LYVE1: variants seen among roughly 807,000 people sequenced by gnomAD.
The protein encoded by LYVE1 is lymphatic vessel endothelial hyaluronic acid receptor 1.
A neutral mutation model predicts 31.5 loss-of-function variants in LYVE1; 29 were observed. That is an observed-to-expected ratio of 0.92 (90% CI 0.69 to 1.26). The LOEUF (loss-of-function observed/expected upper bound fraction) is 1.26, where lower values mean the gene tolerates loss of function less well. Ranked by LOEUF, LYVE1 falls within the 50% of genes most tolerant of loss-of-function variation. The pLI, the probability that LYVE1 is intolerant of heterozygous loss-of-function variation, is 0.00. For synonymous variants in LYVE1, 134 were observed against 139.4 expected (o/e 0.96, Z 0.27); for missense variants, 376 against 380.2 (o/e 0.99, Z 0.09).
At chr11:10,567,854 T>A (rs547997760) in intron 1 of LYVE1, among the ~76,000 whole-genome samples, 4 of 152,356 alleles carry the variant, frequency 2.6e-5, no homozygotes, top group Admixed American at 6.5e-5. Flanking sequence ...ATTCATGGTA[T>A]GATAAAATCA....
chr11:10,562,946 C>CTGTTTTTT (rs1850458515), intron 3 of LYVE1, among the ~76,000 whole-genome samples: 1 of 79,456 alleles, frequency 1.3e-5, no homozygotes, highest in Non-Finnish European at 2.3e-5. Context: ...AACTCGGTTT[C>CTGTTTTTT]TTTTTTTTTT....
intron 3 of LYVE1, 108 bp downstream of exon 3, chr11:10,563,832 G>T: frequency 7.2e-7 from 1 of 1,380,010 alleles, no homozygotes; most frequent in Non-Finnish European, 1.0e-6. Context: ...TTAGATGGCC[G>T]TGGCTGTGAT....
Position 10,564,253 on chromosome 11 carries a change from G to A in LYVE1, c.207C>T (p.Ala69=), listed in dbSNP as rs145817285. ...AGGCTGTTTCAACTTGGTCCTTGCC[G>A]GCCAAACTTAGTCCCAGCAGCCTAC... ...EACRLLGLSL[A]GKDQVETALK... is the part of the protein sequence containing the mutation. The change falls in exon 2 of 6, where the codon GCC becomes GCT. Residue 69 remains alanine, a synonymous_variant. Coordinates refer to ENST00000256178, the MANE Select transcript of LYVE1 (RefSeq NM_006691.4). 4.6e-5 allele frequency: 75 copies of A among 1,614,012 alleles called. No homozygotes were observed. In the East Asian group the frequency reaches 4.9e-4, roughly 11 times the overall value.
At chr11:10,567,664 C>T (rs554370131) in intron 1 of LYVE1, among the ~76,000 whole-genome samples, 25 of 152,282 alleles carry the variant, frequency 1.6e-4, no homozygotes, top group African/African-American at 5.8e-4. Context: ...TTTGTGGTTA[C>T]AATTTTTTTG....
rs745985592 is a variant in LYVE1 at position 10,559,816 on chromosome 11, CT to C, written c.781del (p.Arg261GlyfsTer3). The C allele has an allele frequency of 1.9e-6, 3 of 1,613,834 alleles. No homozygotes were observed. In the South Asian group the frequency reaches 3.3e-5, roughly 18 times the overall value. On this transcript the variant is annotated frameshift_variant and splice_region_variant, in exon 5 of 6. Coordinates refer to ENST00000256178, the MANE Select transcript of LYVE1 (RefSeq NM_006691.4). LOFTEE classifies it high-confidence loss of function. ...AAGLGFCYVKRYVKAFPFTNK... is the reference protein window; with the variant it reads ...AAGLGFCYVKXYVKAFPFTNK... ...ACTAGCAGTGCACCAACAACCCTACCTTTTGACATAGCAAAATCCAAGACCA... is the reference window on the plus strand; with the variant it reads ...ACTAGCAGTGCACCAACAACCCTACCTTTGACATAGCAAAATCCAAGACCA...
At position 10,559,844 on chromosome 11, in the gene LYVE1, C is replaced by T. The variant is rs1366108622; in HGVS notation, c.754G>A (p.Ala252Thr). The stretch of plus-strand genomic sequence containing the variant: ...TTGACATAGCAAAATCCAAGACCAG[C>T]TGCAGCACCAAAGAAGAGGAGAGCA... ...VLALLFFGAA[A>T]GLGFCYVKRY... The change falls in exon 5 of 6, where the codon GCT becomes ACT. Residue 252 changes from alanine to threonine, a missense_variant. Coordinates refer to ENST00000256178, the MANE Select transcript of LYVE1 (RefSeq NM_006691.4). 6.2e-7 allele frequency: 1 copy of T among 1,614,006 alleles called. No individual in the cohort carries two copies. The highest frequency in any genetic ancestry group is 8.5e-7 in the Non-Finnish European group (1 of 1,179,904).
intron 3 of LYVE1, among the ~76,000 whole-genome samples, chr11:10,562,011 AAAAG>A (rs1591514274): frequency 6.6e-6 from 1 of 152,234 alleles, no homozygotes; most frequent in Non-Finnish European, 1.5e-5. Flanking sequence ...GGAAAAAAAG[AAAAG>A]AAATACATGG....
Position 10,558,605 on chromosome 11 carries a change from T to G in LYVE1, c.*506A>C, listed in dbSNP as rs929166424. The G allele has an allele frequency of 5.2e-5, 8 of 152,638 alleles. No homozygotes were observed. Among genetic ancestry groups the G allele is most frequent in the African/African-American group, 1.4e-4 (6 of 41,460 alleles). 9.5% of individuals were successfully genotyped at this position (152,638 alleles called of 1,614,324 possible). ...TCTCCATGGCTTTCAGGGGCTAAAC[T>G]TTTCTGCCATTCTTTTGCTCTTACC... On this transcript the variant is annotated 3_prime_UTR_variant, in exon 6 of 6. Transcript: ENST00000256178.
In LYVE1 at chr11:10,560,473, CAT is replaced by C. The variant is rs1452047743; in HGVS notation, c.703+20_703+21del. The C allele has an allele frequency of 6.4e-7, 1 of 1,572,164 alleles. No individual in the cohort carries two copies. The highest frequency in any genetic ancestry group is 8.6e-7 in the Non-Finnish European group (1 of 1,156,876). ...TACATGAACATACATACACACGTAACATAGACACAGAAACCATTTACCTCCAA... is the reference window on the plus strand; with the variant it reads ...TACATGAACATACATACACACGTAACAGACACAGAAACCATTTACCTCCAA... On this transcript the variant is annotated intron_variant, in intron 4 of 5. Transcript: ENST00000256178.
chr11:10,568,260 A>C (rs1850581197), intron 1 of LYVE1, among the ~76,000 whole-genome samples, 188 bp downstream of exon 1: 1 of 152,274 alleles, frequency 6.6e-6, no homozygotes, highest in South Asian at 2.1e-4. Flanking sequence ...CAGATGATAC[A>C]AACGTAAATG....
rs748840581 is a variant in LYVE1, at chr11:10,560,658, G to A, written c.540C>T (p.Ala180=). Residue 180 remains alanine (A), a synonymous_variant, in exon 4 of 6, where the codon GCC becomes GCT. Coordinates refer to ENST00000256178, the MANE Select transcript of LYVE1 (RefSeq NM_006691.4). The stretch of plus-strand genomic sequence containing the variant: ...CTGGAGCAGGAGGAGTAGTAGTAGG[G>A]GCAGGTATTGTAGAGTAAGGGGATG... ...SVASPYSTIP[A]PTTTPPAPAS... 1.1e-5 allele frequency: 17 copies of A among 1,614,010 alleles called. No homozygotes were observed. Among genetic ancestry groups the A allele is most frequent in the East Asian group, 2.2e-5 (1 of 44,900 alleles).
chr11:10,560,611 CT>C lies in LYVE1; in HGVS notation c.586del (p.Arg196GlufsTer4), dbSNP rs768434288. ...PAPASTSIPR[R>X]KKLICVTEVF... is the part of the protein sequence containing the mutation. The stretch of plus-strand genomic sequence containing the variant: ...TTCTGTGACACAAATCAATTTTTTT[CT>C]CCGTGGAATAGAAGTGGAAGCTGGA... On this transcript the variant is annotated frameshift_variant, in exon 4 of 6. Transcript: ENST00000256178. LOFTEE classifies it high-confidence loss of function. 10 of 1,613,944 alleles carry C rather than the reference CT, an allele frequency of 6.2e-6. No individual in the cohort carries two copies. Among genetic ancestry groups the C allele is most frequent in the Non-Finnish European group, 3.4e-6 (4 of 1,179,992 alleles).
intron 1 of LYVE1, among the ~76,000 whole-genome samples, chr11:10,566,045 G>A (rs1488083952): frequency 2.0e-5 from 3 of 152,206 alleles, no homozygotes; most frequent in East Asian, 3.9e-4. Flanking sequence ...GCCGACCTCA[G>A]GTGATCCACC....
chr11:10,559,709 AC>A (rs1205408800), intron 5 of LYVE1, 106 bp downstream of exon 5: 18 of 862,674 alleles, frequency 2.1e-5, no homozygotes, highest in Non-Finnish European at 1.9e-5. Flanking sequence ...ATATCAGAGG[AC>A]TGCTATCTCC....
At chr11:10,560,382 A>T in intron 4 of LYVE1, 113 bp downstream of exon 4, 1 of 864,306 alleles carries the variant, frequency 1.2e-6, no homozygotes, top group African/African-American at 1.7e-5. Flanking sequence ...TTAAGCTTTT[A>T]TTAGTATTTG....
At chr11:10,563,853 G>A (rs1850480597) in intron 3 of LYVE1, 87 bp downstream of exon 3, 6 of 1,520,044 alleles carry the variant, frequency 3.9e-6, no homozygotes, top group Non-Finnish European at 5.4e-6. Flanking sequence ...TGCTTCTGCT[G>A]CTGCTCAGGG....
chr11:10,559,514 T>C (rs1470695242), intron 5 of LYVE1, among the ~76,000 whole-genome samples: 1 of 152,204 alleles, frequency 6.6e-6, no homozygotes, highest in Non-Finnish European at 1.5e-5. Context: ...GCTGACCACA[T>C]AACTCTTCCA....
Position 10,558,903 on chromosome 11 carries a change from A to G in LYVE1, c.*208T>C, listed in dbSNP as rs1477615960. ...CGTGGGAAGCTTTGGAGGTAGGAGG[A>G]TAGGATCCAGACAGGGTTACAATAA... On this transcript the variant is annotated 3_prime_UTR_variant, in exon 6 of 6. Transcript: ENST00000256178. The G allele has an allele frequency of 9.9e-6, 5 of 507,406 alleles. No individual in the cohort carries two copies. The East Asian group carries it at 1.5e-4, about 15-fold the overall frequency. The allele number at this position is 507,406 out of a possible 1,614,324, so 31.4% of individuals were successfully genotyped here.
intron 1 of LYVE1, among the ~76,000 whole-genome samples, chr11:10,567,587 G>A (rs558823706): frequency 6.6e-6 from 1 of 152,246 alleles, no homozygotes; most frequent in East Asian, 1.9e-4. Context: ...TCATCTTCCA[G>A]CATAGGAACA....
Sources: allele counts gnomAD v4.1 joint callset (sites outside exome capture counted in the v4.1 genomes callset), GRCh38; gene constraint gnomAD v4.1.1; transcripts MANE v1.5; gene names NCBI Gene and HGNC (gene_info 2026-07-23, HGNC 2026-07-21).